The following ZSWIM6 variants were observed in gnomAD, a reference collection of about 807,000 sequenced individuals.
The protein encoded by ZSWIM6 is zinc finger SWIM domain-containing protein 6.
ZSWIM6 carries 9 observed loss-of-function variants against 113.2 expected under a neutral mutation model. That is an observed-to-expected ratio of 0.08 (90% CI 0.05 to 0.14). The LOEUF (loss-of-function observed/expected upper bound fraction) is 0.14. Ranked by LOEUF, ZSWIM6 falls within the 10% of genes least tolerant of loss-of-function variation. ZSWIM6 has a pLI of 1.00. For synonymous variants in ZSWIM6, 611 were observed against 606.5 expected (o/e 1.01, Z -0.11); for missense variants, 1,162 against 1,552.2 (o/e 0.75, Z 4.22).
intron 1 of ZSWIM6, among the ~76,000 whole-genome samples, chr5:61,361,905 T>C (rs1204853595): frequency 6.6e-6 from 1 of 152,222 alleles, no homozygotes; most frequent in African/African-American, 2.4e-5. Context: ...TGGTGCAGTT[T>C]GGCACCTTTA....
intron 1 of ZSWIM6, among the ~76,000 whole-genome samples, chr5:61,434,677 C>T (rs1746667012): frequency 6.6e-6 from 1 of 152,062 alleles, no homozygotes; most frequent in African/African-American, 2.4e-5. Flanking sequence ...ACATTTTCTT[C>T]ATCCACTTGT....
At position 61,535,531 on chromosome 5, in the gene ZSWIM6, C is replaced by G. The variant is rs1331852212; in HGVS notation, c.2293C>G (p.Pro765Ala). ...TGAAATAATCCATCGGGAGAGCGTT[C>G]CAATGCACACATTTGCCAAGTATCT... ...LGEIIHRESV[P>A]MHTFAKYLFT... Residue 765 changes from proline to alanine, a missense_variant, in exon 10 of 14, where the codon CCA becomes GCA. Physicochemically the swap from Pro to Ala is conservative, Grantham distance 27. Transcript: ENST00000252744. 1.9e-6 allele frequency: 3 copies of G among 1,551,296 alleles called. No individual in the cohort carries two copies. The highest frequency in any genetic ancestry group is 2.6e-6 in the Non-Finnish European group (3 of 1,146,788).
In ZSWIM6 at chr5:61,425,009, C is replaced by T. The variant is rs544423683; in HGVS notation, c.677-47672C>T. Reference sequence around the variant, plus strand: ...CTGGGATTACAAACGTGAGCCACTGCGCCCGGCACTAATCTTGGCTCTTAT... The same window carrying T: ...CTGGGATTACAAACGTGAGCCACTGTGCCCGGCACTAATCTTGGCTCTTAT... On this transcript the variant is annotated intron_variant, in intron 1 of 13. Transcript: ENST00000252744. Among the ~76,000 whole-genome samples the T allele has an allele frequency of 1.4e-3, 208 of 152,262 alleles. 1 individual carries two copies. The highest frequency in any genetic ancestry group is 3.4e-3 in the Middle Eastern group (1 of 294).
intron 1 of ZSWIM6, among the ~76,000 whole-genome samples, chr5:61,345,252 G>A (rs999523927): frequency 6.6e-6 from 1 of 152,154 alleles, no homozygotes; most frequent in African/African-American, 2.4e-5. Flanking sequence ...ATTTGTGTGT[G>A]TTTAGATTTG....
At chr5:61,482,720 G>A in intron 2 of ZSWIM6, among the ~76,000 whole-genome samples, 1 of 152,252 alleles carries the variant, frequency 6.6e-6, no homozygotes, top group South Asian at 2.1e-4. Flanking sequence ...CACATGAGCA[G>A]ATTTCTAATT....
intron 1 of ZSWIM6, among the ~76,000 whole-genome samples, chr5:61,349,144 G>T (rs1340283259): frequency 6.6e-6 from 1 of 152,128 alleles, no homozygotes; most frequent in African/African-American, 2.4e-5. Context: ...CACTGTTATG[G>T]AGTAGTCATT....
chr5:61,420,386 A>G (rs754656087), intron 1 of ZSWIM6, among the ~76,000 whole-genome samples: 7 of 152,256 alleles, frequency 4.6e-5, no homozygotes, highest in Admixed American at 1.3e-4. Flanking sequence ...CTCCTAGACC[A>G]GTAGATGACT....
chr5:61,434,114 TATAA>T (rs1376829630), intron 1 of ZSWIM6, among the ~76,000 whole-genome samples: 1 of 147,238 alleles, frequency 6.8e-6, no homozygotes, highest in Non-Finnish European at 1.5e-5. Flanking sequence ...ATATAACATC[TATAA>T]ATATATGTAT....
intron 1 of ZSWIM6, among the ~76,000 whole-genome samples, chr5:61,341,780 A>G (rs1218776853): frequency 6.6e-6 from 1 of 151,540 alleles, no homozygotes; most frequent in African/African-American, 2.4e-5. Flanking sequence ...ACCGGTAAAT[A>G]GTATACACAT....
intron 1 of ZSWIM6, among the ~76,000 whole-genome samples, chr5:61,349,893 A>C (rs570364860): frequency 9.9e-5 from 15 of 152,282 alleles, no homozygotes; most frequent in African/African-American, 3.6e-4. Context: ...TCTCCCTCTC[A>C]CAGATGATAT....
At chr5:61,481,388 G>A (rs998509447) in intron 2 of ZSWIM6, among the ~76,000 whole-genome samples, 4 of 152,008 alleles carry the variant, frequency 2.6e-5, no homozygotes, top group Admixed American at 6.6e-5. Context: ...TGCTTTATTA[G>A]ATACACTGGA....
At chr5:61,436,332 T>G (rs531116739) in intron 1 of ZSWIM6, among the ~76,000 whole-genome samples, 1 of 152,316 alleles carries the variant, frequency 6.6e-6, no homozygotes, top group African/African-American at 2.4e-5. Context: ...TTTTACATAT[T>G]GAAAGTATTA....
intron 1 of ZSWIM6, among the ~76,000 whole-genome samples, chr5:61,426,215 T>A (rs970870835): frequency 6.6e-6 from 1 of 152,230 alleles, no homozygotes; most frequent in Non-Finnish European, 1.5e-5. Flanking sequence ...ATAAACACTA[T>A]ACTTATCAAA....
intron 1 of ZSWIM6, among the ~76,000 whole-genome samples, chr5:61,445,011 A>G (rs1051804364): frequency 2.0e-5 from 3 of 152,216 alleles, no homozygotes; most frequent in Non-Finnish European, 4.4e-5. Context: ...AAACCCTATC[A>G]TTCTAACATG....
chr5:61,494,577 G>A (rs1232487212), intron 4 of ZSWIM6, among the ~76,000 whole-genome samples, 167 bp downstream of exon 4: 1 of 152,106 alleles, frequency 6.6e-6, no homozygotes, highest in African/African-American at 2.4e-5. Flanking sequence ...AACTTGGGCT[G>A]GCATTTACAG....
At chr5:61,494,949 C>CA (rs917956761) in intron 4 of ZSWIM6, among the ~76,000 whole-genome samples, 3 of 151,816 alleles carry the variant, frequency 2.0e-5, no homozygotes, top group Admixed American at 6.6e-5. Context: ...AGCAAGTGTT[C>CA]AAAAAAATGA....
intron 1 of ZSWIM6, among the ~76,000 whole-genome samples, chr5:61,415,106 C>A (rs1746220107): frequency 6.6e-6 from 1 of 152,198 alleles, no homozygotes; most frequent in African/African-American, 2.4e-5. Context: ...CGTACTGTTC[C>A]CTATGGCTGC....
chr5:61,407,066 C>T (rs1409947555), intron 1 of ZSWIM6, among the ~76,000 whole-genome samples: 3 of 152,168 alleles, frequency 2.0e-5, no homozygotes, highest in Admixed American at 6.5e-5. Context: ...AAACACAGTT[C>T]CCCAAATCTG....
At chr5:61,450,219 C>T (rs1368586466) in intron 1 of ZSWIM6, among the ~76,000 whole-genome samples, 1 of 152,116 alleles carries the variant, frequency 6.6e-6, no homozygotes, top group Non-Finnish European at 1.5e-5. Context: ...ACTCATTTTT[C>T]CCCTCCAACA....
Sources: gnomAD v4.1 joint callset for allele counts (sites outside exome capture counted in the v4.1 genomes callset) on GRCh38, gnomAD v4.1.1 for gene constraint, MANE v1.5 for transcripts, NCBI Gene and HGNC (gene_info 2026-07-23, HGNC 2026-07-21) for gene names.